PTPRD: variants seen among roughly 807,000 people sequenced by gnomAD.
PTPRD encodes the protein protein tyrosine phosphatase receptor type D.
A neutral mutation model predicts 214.5 loss-of-function variants in PTPRD; 34 were observed. The ratio of observed to expected loss-of-function variants is 0.16; its 90% confidence interval spans 0.12 to 0.21. The LOEUF (loss-of-function observed/expected upper bound fraction) is 0.21. PTPRD is among the 10% of genes least tolerant of loss of function. PTPRD has a pLI of 1.00. For synonymous variants in PTPRD, 1,128 were observed against 845.7 expected (o/e 1.33, Z -5.79); for missense variants, 2,545 against 2,398.7 (o/e 1.06, Z -1.27).
intron 10 of PTPRD, among the ~76,000 whole-genome samples, chr9:9,074,019 G>A (rs938781976): frequency 6.6e-6 from 1 of 152,050 alleles, no homozygotes; most frequent in Non-Finnish European, 1.5e-5. Context: ...CAAGTGGGTA[G>A]CATAGTGCCT....
chr9:10,194,990 T>G (rs1377076131), intron 3 of PTPRD, among the ~76,000 whole-genome samples: 3 of 150,912 alleles, frequency 2.0e-5, no homozygotes, highest in African/African-American at 7.3e-5. Context: ...TGGAGTTCAG[T>G]GGTATGGTCC....
At position 9,705,283 on chromosome 9, in the gene PTPRD, T is replaced by G. The variant is rs1446020920; in HGVS notation, c.-287+29250A>C. Among the ~76,000 whole-genome samples the G allele has an allele frequency of 2.0e-5, 3 of 152,336 alleles. No individual in the cohort carries two copies. The East Asian group carries it at 5.8e-4, about 29-fold the overall frequency. On this transcript the variant is annotated intron_variant, in intron 7 of 45. Coordinates refer to ENST00000381196, the MANE Select transcript of PTPRD (RefSeq NM_002839.4). ...TAAATGAATTAGGATTTTAGCAGCA[T>G]TTTGAAATGTAGAATTATACATTTT...
Position 9,507,804 on chromosome 9 carries a change from A to G in PTPRD, c.-237+66928T>C, listed in dbSNP as rs546275637. 4.2e-4 allele frequency among the ~76,000 whole-genome samples: 64 copies of G among 151,582 alleles called. 1 individual carries two copies. The highest frequency in any genetic ancestry group is 1.8e-3 in the Admixed American group (28 of 15,136). ...AATCTGTTTATAAAGATGATTTAAG[A>G]TATAGACTCATTGTTCAGGTTGCTA... On this transcript the variant is annotated intron_variant, in intron 8 of 45. Coordinates refer to ENST00000381196, the MANE Select transcript of PTPRD (RefSeq NM_002839.4).
intron 12 of PTPRD, among the ~76,000 whole-genome samples, chr9:8,724,290 A>G (rs2098534343): frequency 6.6e-6 from 1 of 152,212 alleles, no homozygotes; most frequent in Non-Finnish European, 1.5e-5. Context: ...CCTTCACTCT[A>G]AATTTTAACA....
chr9:9,677,392 T>G (rs1267523655), intron 7 of PTPRD, among the ~76,000 whole-genome samples: 1 of 152,096 alleles, frequency 6.6e-6, no homozygotes, highest in African/African-American at 2.4e-5. Flanking sequence ...GCTTCATCCC[T>G]GGGATGCAAG....
rs112034284 is a variant in PTPRD, at chr9:9,670,538, T to C, written c.-287+63995A>G. On this transcript the variant is annotated intron_variant, in intron 7 of 45. Coordinates refer to ENST00000381196, the MANE Select transcript of PTPRD (RefSeq NM_002839.4). ...AACGGAAAATGTCTCTAGGGAATAT[T>C]AGAGGTCTTCATGGCAGCCCCTCCC... Among the ~76,000 whole-genome samples, 342 of 152,270 alleles carry C rather than the reference T, an allele frequency of 2.2e-3. 1 individual carries two copies. The highest frequency in any genetic ancestry group is 7.8e-3 in the African/African-American group (326 of 41,548).
At chr9:9,516,881 C>T (rs1451176160) in intron 8 of PTPRD, among the ~76,000 whole-genome samples, 2 of 151,986 alleles carry the variant, frequency 1.3e-5, no homozygotes, top group African/African-American at 2.4e-5. Flanking sequence ...ATTTTATCTA[C>T]ACTAAAAATT....
intron 14 of PTPRD, among the ~76,000 whole-genome samples, chr9:8,623,751 G>T (rs542629669): frequency 2.6e-5 from 4 of 151,864 alleles, no homozygotes; most frequent in Non-Finnish European, 5.9e-5. Context: ...GCTTAGAGAG[G>T]TTAGGAAATG....
At chr9:10,387,820 CTTTTTTTTT>C (rs58959929) in intron 2 of PTPRD, among the ~76,000 whole-genome samples, 1 of 82,574 alleles carries the variant, frequency 1.2e-5, no homozygotes, top group Non-Finnish European at 2.1e-5. Flanking sequence ...AAGATTTTGT[CTTTTTTTTT>C]TTTTTTTTTT....
chr9:9,178,360 C>T (rs958751284), intron 10 of PTPRD, among the ~76,000 whole-genome samples: 5 of 151,384 alleles, frequency 3.3e-5, no homozygotes, highest in African/African-American at 9.7e-5. Flanking sequence ...TTCCTCACTT[C>T]CTCCTTCCTT....
chr9:9,198,550 G>C (rs2099940010), intron 9 of PTPRD, among the ~76,000 whole-genome samples: 1 of 152,100 alleles, frequency 6.6e-6, no homozygotes, highest in Non-Finnish European at 1.5e-5. Flanking sequence ...AAGAATTTTA[G>C]TTAATTTCTT....
chr9:9,512,322 T>C (rs928068104), intron 8 of PTPRD, among the ~76,000 whole-genome samples: 4 of 151,824 alleles, frequency 2.6e-5, no homozygotes, highest in African/African-American at 9.7e-5. Flanking sequence ...TTTCTGGGTA[T>C]ATGAGTAAGG....
intron 35 of PTPRD, among the ~76,000 whole-genome samples, chr9:8,410,293 G>C (rs1005931640): frequency 6.6e-6 from 1 of 152,206 alleles, no homozygotes; most frequent in East Asian, 1.9e-4. Context: ...TGAGGAAGGA[G>C]TGGAAAGTCC....
intron 3 of PTPRD, among the ~76,000 whole-genome samples, chr9:10,337,822 T>C (rs2096869856): frequency 6.6e-6 from 1 of 151,674 alleles, no homozygotes; most frequent in Admixed American, 6.6e-5. Context: ...AAATAGCAAA[T>C]GGTGGAACCC....
At chr9:10,311,140 C>G (rs576615776) in intron 3 of PTPRD, among the ~76,000 whole-genome samples, 1 of 151,934 alleles carries the variant, frequency 6.6e-6, no homozygotes, top group African/African-American at 2.4e-5. Flanking sequence ...AATCAGCAGT[C>G]TTCCCTTCCT....
At chr9:8,382,738 C>T (rs1046527781) in intron 37 of PTPRD, among the ~76,000 whole-genome samples, 7 of 152,174 alleles carry the variant, frequency 4.6e-5, no homozygotes, top group African/African-American at 1.7e-4. Context: ...TAAGTATCCA[C>T]CACTTTCAAA....
intron 9 of PTPRD, among the ~76,000 whole-genome samples, chr9:9,196,025 C>T (rs2099938388): frequency 6.6e-6 from 1 of 152,000 alleles, no homozygotes; most frequent in Admixed American, 6.6e-5. Flanking sequence ...GAGGATAGTC[C>T]TCTGGACATA....
chr9:9,246,520 A>G (rs942486093), intron 9 of PTPRD, among the ~76,000 whole-genome samples: 2 of 152,124 alleles, frequency 1.3e-5, no homozygotes, highest in Admixed American at 6.6e-5. Flanking sequence ...AAATGCATCA[A>G]GCTCAAATCT....
At chr9:9,433,201 A>G (rs1049635952) in intron 8 of PTPRD, among the ~76,000 whole-genome samples, 1 of 152,190 alleles carries the variant, frequency 6.6e-6, no homozygotes, top group African/African-American at 2.4e-5. Flanking sequence ...TCCTACCAAC[A>G]TGCTTTTTGA....
Sources: allele counts gnomAD v4.1 joint callset (sites outside exome capture counted in the v4.1 genomes callset), GRCh38; gene constraint gnomAD v4.1.1; transcripts MANE v1.5; gene names NCBI Gene and HGNC (gene_info 2026-07-23, HGNC 2026-07-21).